The following PREP variants were observed in gnomAD, a reference collection of about 807,000 sequenced individuals.
PREP encodes dJ355L5.1 (prolyl endopeptidase).
PREP carries 29 observed loss-of-function variants against 87.6 expected under a neutral mutation model. That is an observed-to-expected ratio of 0.33 (90% CI 0.25 to 0.45). PREP has a LOEUF of 0.45. Ranked by LOEUF, PREP falls within the 20% of genes least tolerant of loss-of-function variation. PREP has a pLI of 1.00. For missense variants in PREP, 695 were observed against 886.5 expected, an observed-to-expected ratio of 0.78 and a Z score of 2.74; for synonymous variants, 337 against 328.6, an observed-to-expected ratio of 1.03 and a Z score of -0.28.
chr6:105,300,174 G>C (rs1770502323), intron 10 of PREP, among the ~76,000 whole-genome samples: 1 of 152,172 alleles, frequency 6.6e-6, no homozygotes, highest in Non-Finnish European at 1.5e-5. Flanking sequence ...TGGGATTATA[G>C]GCGTGAGCCA....
At chr6:105,287,881 A>G (rs985723943) in intron 11 of PREP, among the ~76,000 whole-genome samples, 1 of 152,250 alleles carries the variant, frequency 6.6e-6, no homozygotes, top group African/African-American at 2.4e-5. Context: ...AACAGAGAAG[A>G]TATTTATACC....
intron 1 of PREP, 130 bp from the exon 2 acceptor site, chr6:105,398,057 T>C (rs1461014377): frequency 2.9e-6 from 2 of 698,568 alleles, no homozygotes; most frequent in Non-Finnish European, 4.8e-6. Flanking sequence ...GCAACGTGTC[T>C]GCCCAAATTA....
intron 14 of PREP, chr6:105,280,928 A>AT (rs1562184853): frequency 6.6e-6 from 1 of 152,206 alleles, no homozygotes; most frequent in African/African-American, 2.4e-5. Flanking sequence ...CTTAATTTAG[A>AT]AAAGGAAATC....
intron 5 of PREP, among the ~76,000 whole-genome samples, chr6:105,372,333 C>T (rs1772581417): frequency 6.6e-6 from 1 of 152,154 alleles, no homozygotes; most frequent in African/African-American, 2.4e-5. Flanking sequence ...CAGATCCCAG[C>T]CCTCCAGCAA....
chr6:105,388,720 T>C (rs553070873), intron 2 of PREP, among the ~76,000 whole-genome samples: 3 of 152,328 alleles, frequency 2.0e-5, no homozygotes, highest in South Asian at 4.1e-4. Context: ...ACTGAGATAA[T>C]ATGTGGTAAA....
chr6:105,283,482 G>C (rs915801303), intron 12 of PREP, among the ~76,000 whole-genome samples: 5 of 152,268 alleles, frequency 3.3e-5, no homozygotes, highest in African/African-American at 1.2e-4. Flanking sequence ...TTTAATTAAA[G>C]ATAAAGCAGT....
intron 10 of PREP, among the ~76,000 whole-genome samples, chr6:105,293,361 A>G (rs764572112): frequency 1.3e-5 from 2 of 152,292 alleles, no homozygotes; most frequent in Middle Eastern, 6.8e-3. Context: ...CACATACAAT[A>G]TTTATCAATT....
intron 7 of PREP, 44 bp from the exon 8 acceptor site, chr6:105,333,549 A>C: frequency 6.3e-7 from 1 of 1,593,050 alleles, no homozygotes; most frequent in Non-Finnish European, 8.6e-7. Context: ...TAATGTTTAA[A>C]AATGGTGTTG....
At chr6:105,293,290 G>A (rs897763060) in intron 10 of PREP, among the ~76,000 whole-genome samples, 3 of 152,180 alleles carry the variant, frequency 2.0e-5, no homozygotes, top group East Asian at 1.9e-4. Context: ...GTTGTTAATC[G>A]CCCTAATTGA....
intron 1 of PREP, among the ~76,000 whole-genome samples, chr6:105,398,334 T>C (rs1025154299): frequency 6.6e-6 from 1 of 152,204 alleles, no homozygotes; most frequent in African/African-American, 2.4e-5. Context: ...CACGTGCTCA[T>C]TCTCCTGTTC....
chr6:105,329,899 A>G (rs1771278367), intron 8 of PREP, among the ~76,000 whole-genome samples: 1 of 152,178 alleles, frequency 6.6e-6, no homozygotes, highest in African/African-American at 2.4e-5. Flanking sequence ...CAAGTGCAGG[A>G]GTGTGGAGAT....
At chr6:105,317,632 C>T (rs1009239290) in intron 10 of PREP, among the ~76,000 whole-genome samples, 2 of 152,136 alleles carry the variant, frequency 1.3e-5, no homozygotes, top group African/African-American at 2.4e-5. Flanking sequence ...CCATTCCAAA[C>T]ACCAGGCCCA....
chr6:105,378,048 A>G (rs1772734669), intron 2 of PREP, among the ~76,000 whole-genome samples: 1 of 152,232 alleles, frequency 6.6e-6, no homozygotes, highest in Non-Finnish European at 1.5e-5. Flanking sequence ...TCAGAGTCAA[A>G]GAGAGAAAGT....
intron 5 of PREP, among the ~76,000 whole-genome samples, chr6:105,371,718 G>A (rs1018923334): frequency 7.9e-5 from 12 of 152,106 alleles, no homozygotes; most frequent in South Asian, 2.1e-4. Flanking sequence ...TTGTCATTGA[G>A]CTTTCAGGGA....
In PREP at chr6:105,276,466, C is replaced by T. The variant is rs752080865; in HGVS notation, c.*1678G>A. ...TCAGCTATTTGTACTTCACACCACACAGCTAGTCTAGGAAAGAGGCTGCCT... is the reference window on the plus strand; with the variant it reads ...TCAGCTATTTGTACTTCACACCACATAGCTAGTCTAGGAAAGAGGCTGCCT... On this transcript the variant is annotated 3_prime_UTR_variant, in exon 15 of 15. Transcript: ENST00000652536. Among the ~76,000 whole-genome samples, 65 of 152,244 alleles carry T rather than the reference C, an allele frequency of 4.3e-4. No individual in the cohort carries two copies. The highest frequency in any genetic ancestry group is 4.6e-4 in the Admixed American group (7 of 15,284).
At chr6:105,290,572 G>C (rs529925940) in intron 10 of PREP, among the ~76,000 whole-genome samples, 1 of 152,190 alleles carries the variant, frequency 6.6e-6, no homozygotes, top group Admixed American at 6.5e-5. Flanking sequence ...CCTCATCCCA[G>C]CTGACTCTCA....
Position 105,281,757 on chromosome 6 carries a change from T to C in PREP, c.1827A>G (p.Glu609=), listed in dbSNP as rs767291430. 9.3e-6 allele frequency: 15 copies of C among 1,613,150 alleles called. No homozygotes were observed. Among genetic ancestry groups the C allele is most frequent in the East Asian group, 4.5e-5 (2 of 44,878 alleles). The change falls in exon 14 of 15, where the codon GAA becomes GAG. Residue 609 remains glutamate, a synonymous_variant. Transcript: ENST00000652536. The part of the protein sequence containing the change: ...YGCSDSKQHF[E]WLVKYSPLHN... ...CAATAAAACCTTACTTGACAAGCCA[T>C]TCAAAGTGTTGTTTGCTGTCCGAGC...
chr6:105,322,446 C>T (rs1159113540), intron 10 of PREP: 9 of 984,852 alleles, frequency 9.1e-6, no homozygotes, highest in Non-Finnish European at 1.2e-6. Context: ...ACTTGCCCCA[C>T]GTGGATTTCA....
intron 7 of PREP, among the ~76,000 whole-genome samples, chr6:105,335,045 T>C (rs1771443977): frequency 6.6e-6 from 1 of 152,234 alleles, no homozygotes; most frequent in Non-Finnish European, 1.5e-5. Context: ...TTCCAGTCTT[T>C]AATACTAAGA....
Sources: gnomAD v4.1 joint callset for allele counts (sites outside exome capture counted in the v4.1 genomes callset) on GRCh38, gnomAD v4.1.1 for gene constraint, MANE v1.5 for transcripts, NCBI Gene and HGNC (gene_info 2026-07-23, HGNC 2026-07-21) for gene names.